PLCXD3: variants seen among roughly 807,000 people sequenced by gnomAD.
PLCXD3 encodes the protein PI-PLC X domain-containing protein 3.
PLCXD3 carries 19 observed loss-of-function variants against 25.5 expected under a neutral mutation model. That is an observed-to-expected ratio of 0.75 (90% CI 0.52 to 1.09). PLCXD3 has a LOEUF of 1.09. Ranked by LOEUF, PLCXD3 falls within the 50% of genes least tolerant of loss-of-function variation. The probability of loss-of-function intolerance (pLI) is 0.00; values close to 1 mark genes in which losing one functional copy is unlikely to be tolerated. For missense variants in PLCXD3, 411 were observed against 388.1 expected (o/e 1.06, Z -0.50); for synonymous variants, 174 against 137.6 (o/e 1.26, Z -1.85).
intron 2 of PLCXD3, 69 bp from the exon 3 acceptor site, chr5:41,313,839 G>T: frequency 2.0e-6 from 3 of 1,467,924 alleles, no homozygotes; most frequent in East Asian, 2.3e-5. Context: ...ACAATTCTCA[G>T]TCTTCCCTTT....
chr5:41,503,965 A>ATGTG (rs72485445), intron 1 of PLCXD3, among the ~76,000 whole-genome samples: 12 of 146,780 alleles, frequency 8.2e-5, no homozygotes, highest in African/African-American at 2.3e-4. Context: ...AGGAATTAAA[A>ATGTG]TGTGTGTGTG....
At chr5:41,489,088 C>T (rs1748588311) in intron 1 of PLCXD3, among the ~76,000 whole-genome samples, 1 of 152,110 alleles carries the variant, frequency 6.6e-6, no homozygotes, top group African/African-American at 2.4e-5. Flanking sequence ...CTTTAACCCA[C>T]CTTGAATTGA....
At chr5:41,459,863 T>C (rs1260501860) in intron 1 of PLCXD3, among the ~76,000 whole-genome samples, 1 of 151,930 alleles carries the variant, frequency 6.6e-6, no homozygotes, top group Non-Finnish European at 1.5e-5. Context: ...AAGCAAGCGA[T>C]AAGGATTTAC....
At chr5:41,466,000 T>C (rs985708244) in intron 1 of PLCXD3, among the ~76,000 whole-genome samples, 2 of 152,110 alleles carry the variant, frequency 1.3e-5, no homozygotes, top group East Asian at 3.9e-4. Flanking sequence ...CTTTATCCTT[T>C]GCAAACACAA....
chr5:41,501,467 T>C (rs1748949255), intron 1 of PLCXD3, among the ~76,000 whole-genome samples: 1 of 152,040 alleles, frequency 6.6e-6, no homozygotes, highest in East Asian at 1.9e-4. Context: ...TGATTCCACT[T>C]AGATGAGGTA....
intron 2 of PLCXD3, among the ~76,000 whole-genome samples, chr5:41,378,326 A>G (rs1194482101): frequency 6.6e-6 from 1 of 152,094 alleles, no homozygotes; most frequent in Non-Finnish European, 1.5e-5. Context: ...GTTAAAAAGG[A>G]AGTCTTTCTA....
intron 1 of PLCXD3, among the ~76,000 whole-genome samples, chr5:41,427,516 A>G (rs981011459): frequency 2.6e-5 from 4 of 152,190 alleles, no homozygotes; most frequent in African/African-American, 4.8e-5. Context: ...TAATAATTTT[A>G]TGTACACTTA....
chr5:41,401,394 TAA>T (rs1292016292), intron 1 of PLCXD3, among the ~76,000 whole-genome samples: 2 of 152,090 alleles, frequency 1.3e-5, no homozygotes, highest in Admixed American at 6.6e-5. Context: ...TGACACGATA[TAA>T]GAGTCAAAAG....
At chr5:41,490,921 T>C (rs1170759535) in intron 1 of PLCXD3, among the ~76,000 whole-genome samples, 1 of 152,196 alleles carries the variant, frequency 6.6e-6, no homozygotes, top group East Asian at 1.9e-4. Flanking sequence ...GGGTTTTTTG[T>C]GTCTCTATTT....
rs116536353 is a variant in PLCXD3 at position 41,317,698 on chromosome 5, T to C, written c.813-3928A>G. ...TAATTAAAAAGAGTCAAGCAGAAAT[T>C]TTCTGGAGCTGAAAAATGTAATTGG... On this transcript the variant is annotated intron_variant, in intron 2 of 2. Transcript: ENST00000377801. Among the ~76,000 whole-genome samples, 924 of 151,980 alleles carry C rather than the reference T, an allele frequency of 6.1e-3. 14 individuals are homozygous for C. The highest frequency in any genetic ancestry group is 0.022 in the African/African-American group (893 of 41,468).
intron 2 of PLCXD3, among the ~76,000 whole-genome samples, chr5:41,337,779 T>A (rs764911753): frequency 1.4e-4 from 21 of 152,134 alleles, no homozygotes; most frequent in Non-Finnish European, 2.6e-4. Flanking sequence ...ATAATATTCA[T>A]TAAGTTGTTA....
intron 1 of PLCXD3, among the ~76,000 whole-genome samples, chr5:41,436,719 C>G (rs889030132): frequency 3.3e-5 from 5 of 152,158 alleles, no homozygotes; most frequent in African/African-American, 1.2e-4. Flanking sequence ...AAATCCAGAG[C>G]TTGAAGAAAT....
intron 1 of PLCXD3, among the ~76,000 whole-genome samples, chr5:41,494,802 T>C (rs1748798771): frequency 6.6e-6 from 1 of 152,102 alleles, no homozygotes; most frequent in Non-Finnish European, 1.5e-5. Context: ...GGTAAAAATG[T>C]AACAATAGAA....
At chr5:41,356,735 C>A (rs945514234) in intron 2 of PLCXD3, among the ~76,000 whole-genome samples, 1 of 152,150 alleles carries the variant, frequency 6.6e-6, no homozygotes, top group Non-Finnish European at 1.5e-5. Flanking sequence ...ACAAAACTTC[C>A]TGGTGAAGTG....
intron 1 of PLCXD3, among the ~76,000 whole-genome samples, chr5:41,486,410 A>G (rs1402288010): frequency 2.6e-5 from 4 of 152,000 alleles, no homozygotes; most frequent in Non-Finnish European, 2.9e-5. Flanking sequence ...CTCTCTGGGT[A>G]CCTCATGTCT....
intron 1 of PLCXD3, among the ~76,000 whole-genome samples, chr5:41,445,903 C>T (rs1028429115): frequency 1.2e-4 from 18 of 151,754 alleles, no homozygotes; most frequent in Admixed American, 1.2e-3. Flanking sequence ...AAAAGAACAA[C>T]GAGGCCGGGC....
intron 1 of PLCXD3, among the ~76,000 whole-genome samples, chr5:41,450,001 C>T (rs1406884838): frequency 6.6e-6 from 1 of 152,104 alleles, no homozygotes; most frequent in East Asian, 1.9e-4. Flanking sequence ...ATGGCTTTCT[C>T]TGGAGTAGTA....
chr5:41,371,710 G>T (rs1745102065), intron 2 of PLCXD3, among the ~76,000 whole-genome samples: 1 of 152,100 alleles, frequency 6.6e-6, no homozygotes, highest in South Asian at 2.1e-4. Context: ...TGTGCCTGGG[G>T]ATCTTTGGCT....
At chr5:41,330,484 C>T (rs966444388) in intron 2 of PLCXD3, among the ~76,000 whole-genome samples, 21 of 152,042 alleles carry the variant, frequency 1.4e-4, no homozygotes, top group African/African-American at 4.6e-4. Context: ...AGTCCAGGAC[C>T]AGATGGATTC....
Sources: gnomAD v4.1 joint callset for allele counts (sites outside exome capture counted in the v4.1 genomes callset) on GRCh38, gnomAD v4.1.1 for gene constraint, MANE v1.5 for transcripts, NCBI Gene and HGNC (gene_info 2026-07-23, HGNC 2026-07-21) for gene names.